COP1: variants seen among roughly 807,000 people sequenced by gnomAD.
COP1 encodes E3 ubiquitin-protein ligase COP1.
COP1 carries 24 observed loss-of-function variants against 101.3 expected under a neutral mutation model. The observed-to-expected ratio is 0.24, with a 90% CI of 0.17 to 0.33. COP1 has a LOEUF of 0.33. COP1 is among the 10% of genes least tolerant of loss of function. COP1 has a pLI of 1.00. For synonymous variants in COP1, 347 were observed against 341.9 expected (o/e 1.01, Z -0.17); for missense variants, 663 against 906.2 (o/e 0.73, Z 3.45).
intron 1 of COP1, among the ~76,000 whole-genome samples, chr1:176,198,451 T>G (rs1470717327): frequency 2.6e-5 from 4 of 152,136 alleles, no homozygotes; most frequent in Non-Finnish European, 5.9e-5. Flanking sequence ...ACACAGTGTA[T>G]AAAAACTAAC....
intron 5 of COP1, among the ~76,000 whole-genome samples, chr1:176,152,313 A>C (rs1692741023): frequency 1.3e-5 from 2 of 152,120 alleles, no homozygotes. Context: ...AAATAAAAAC[A>C]ATTAAAAATT....
chr1:176,151,750 T>C (rs928272566), intron 5 of COP1, among the ~76,000 whole-genome samples: 6 of 152,206 alleles, frequency 3.9e-5, no homozygotes, highest in African/African-American at 1.2e-4. Context: ...TTCGGTTATA[T>C]GGCAAGTTAG....
At chr1:176,040,220 C>A (rs975211772) in intron 14 of COP1, among the ~76,000 whole-genome samples, 1 of 152,064 alleles carries the variant, frequency 6.6e-6, no homozygotes, top group African/African-American at 2.4e-5. Context: ...ATTTTTCTTT[C>A]TTTACTTTCT....
chr1:176,055,814 T>C (rs1673376661), intron 11 of COP1, among the ~76,000 whole-genome samples: 1 of 152,194 alleles, frequency 6.6e-6, no homozygotes, highest in Non-Finnish European at 1.5e-5. Flanking sequence ...TAATGTATTC[T>C]TATTTTTATA....
chr1:175,973,095 G>C (rs1384454841), intron 18 of COP1, among the ~76,000 whole-genome samples: 1 of 152,180 alleles, frequency 6.6e-6, no homozygotes, highest in African/African-American at 2.4e-5. Context: ...GCCTTCCAAA[G>C]TGCTGAGATT....
At chr1:176,076,223 T>C (rs1234438773) in intron 11 of COP1, among the ~76,000 whole-genome samples, 2 of 151,896 alleles carry the variant, frequency 1.3e-5, no homozygotes, top group Non-Finnish European at 2.9e-5. Context: ...TGCTTGGCCA[T>C]AAAGCAAGTC....
chr1:176,058,754 T>TA (rs1171809329), intron 11 of COP1, among the ~76,000 whole-genome samples: 18,536 of 88,222 alleles, frequency 0.21, 1,565 homozygotes, highest in Middle Eastern at 0.37. Context: ...GAATGATCAA[T>TA]AAAAAAAAAA....
chr1:176,169,829 T>C (rs1042491749), intron 3 of COP1, among the ~76,000 whole-genome samples: 12 of 152,220 alleles, frequency 7.9e-5, no homozygotes, highest in African/African-American at 1.4e-4. Context: ...AATTTCTCTA[T>C]AGCCTGCAAT....
At chr1:176,142,547 C>T (rs1019693892) in intron 6 of COP1, among the ~76,000 whole-genome samples, 2 of 151,992 alleles carry the variant, frequency 1.3e-5, no homozygotes, top group African/African-American at 4.8e-5. Context: ...GAAATTCTCA[C>T]CACACATTTA....
chr1:176,165,358 TGTC>T (rs1211347908), intron 3 of COP1, among the ~76,000 whole-genome samples: 2 of 131,084 alleles, frequency 1.5e-5, no homozygotes, highest in Non-Finnish European at 3.3e-5. Flanking sequence ...GAGAGATGTG[TGTC>T]GTGTGTGTGT....
Position 176,115,281 on chromosome 1 carries a change from C to A in COP1, c.1026+1343G>T, listed in dbSNP as rs1475211240. Reference sequence around the variant, plus strand: ...CTGGCCAACATGGTGAAACCCCCATCTCTACTAAAAATACAAAAATTACCC... The same window carrying A: ...CTGGCCAACATGGTGAAACCCCCATATCTACTAAAAATACAAAAATTACCC... On this transcript the variant is annotated intron_variant, in intron 9 of 19. Transcript: ENST00000367669. Among the ~76,000 whole-genome samples, 3 of 151,668 alleles carry A rather than the reference C, an allele frequency of 2.0e-5. No homozygotes were observed. The South Asian group carries it at 6.3e-4, about 32-fold the overall frequency.
At chr1:175,976,457 T>C (rs1654623194) in intron 18 of COP1, among the ~76,000 whole-genome samples, 2 of 151,964 alleles carry the variant, frequency 1.3e-5, no homozygotes, top group Admixed American at 6.6e-5. Flanking sequence ...ATTGTATTTT[T>C]AGTGTAGACG....
intron 11 of COP1, among the ~76,000 whole-genome samples, chr1:176,064,118 T>C (rs1675474400): frequency 6.6e-6 from 1 of 152,166 alleles, no homozygotes; most frequent in South Asian, 2.1e-4. Context: ...AACTAGGTAA[T>C]GGGTCAAATT....
At chr1:176,049,418 G>A (rs1020108914) in intron 11 of COP1, among the ~76,000 whole-genome samples, 2 of 151,906 alleles carry the variant, frequency 1.3e-5, no homozygotes, top group African/African-American at 4.8e-5. Context: ...AAGGTATCAA[G>A]AACCTGTAGA....
At chr1:176,152,284 A>G (rs959957496) in intron 5 of COP1, among the ~76,000 whole-genome samples, 3 of 152,110 alleles carry the variant, frequency 2.0e-5, no homozygotes, top group African/African-American at 7.2e-5. Context: ...AATTATACAT[A>G]ATAGAGAGTG....
At chr1:176,068,512 C>T (rs1332492473) in intron 11 of COP1, among the ~76,000 whole-genome samples, 4 of 152,156 alleles carry the variant, frequency 2.6e-5, no homozygotes, top group South Asian at 2.1e-4. Context: ...CTAACATTTA[C>T]GTAGTATTTA....
At chr1:176,075,130 C>T (rs1401403098) in intron 11 of COP1, among the ~76,000 whole-genome samples, 2 of 152,128 alleles carry the variant, frequency 1.3e-5, no homozygotes, top group Non-Finnish European at 2.9e-5. Context: ...CTAGCCTGCA[C>T]TACGTTATCA....
chr1:176,173,986 C>CAAAAAAAAAAA lies in COP1; in HGVS notation c.565+1913_565+1923dup, dbSNP rs1212803591. On this transcript the variant is annotated intron_variant, in intron 3 of 19. Coordinates refer to ENST00000367669, the MANE Select transcript of COP1 (RefSeq NM_022457.7). ...TGGGCAACAGAGTGAGATGCTGTCT[C>CAAAAAAAAAAA]AAAAAAAAAAAAAAAAAAAAAAGAG... 7.7e-3 allele frequency among the ~76,000 whole-genome samples: 377 copies of CAAAAAAAAAAA among 49,030 alleles called. 29 individuals are homozygous for CAAAAAAAAAAA. The highest frequency in any genetic ancestry group is 9.8e-3 in the African/African-American group (146 of 14,962). 32.2% of individuals were successfully genotyped at this position (49,030 alleles called of 152,430 possible).
At chr1:175,994,972 C>T (rs1051726900) in intron 15 of COP1, among the ~76,000 whole-genome samples, 4 of 152,088 alleles carry the variant, frequency 2.6e-5, no homozygotes, top group East Asian at 3.9e-4. Flanking sequence ...ACACCTATTC[C>T]AAAATTGACC....
Sources: gnomAD v4.1 joint callset for allele counts (sites outside exome capture counted in the v4.1 genomes callset) on GRCh38, gnomAD v4.1.1 for gene constraint, MANE v1.5 for transcripts, NCBI Gene and HGNC (gene_info 2026-07-23, HGNC 2026-07-21) for gene names.